PTPRT: variants seen among roughly 807,000 people sequenced by gnomAD.
The protein encoded by PTPRT is protein tyrosine phosphatase receptor type T, also known as receptor-type tyrosine-protein phosphatase T.
In PTPRT, 56 loss-of-function variants were observed where a neutral mutation model predicts 176.8. That is an observed-to-expected ratio of 0.32 (90% CI 0.26 to 0.40). The LOEUF is 0.40. PTPRT is among the 10% of genes least tolerant of loss of function. The pLI, the probability that PTPRT is intolerant of heterozygous loss-of-function variation, is 1.00. For missense variants in PTPRT, 1,540 were observed against 1,908.2 expected (o/e 0.81, Z 3.60); for synonymous variants, 783 against 739.0 (o/e 1.06, Z -0.96).
chr20:43,025,873 C>A (rs1227958220), intron 1 of PTPRT, among the ~76,000 whole-genome samples: 1 of 152,082 alleles, frequency 6.6e-6, no homozygotes, highest in African/African-American at 2.4e-5. Context: ...ACCTCTCTGG[C>A]ACCCTTGCTT....
At chr20:42,084,903 T>A in intron 28 of PTPRT, 58 bp from the exon 29 acceptor site, 1 of 1,323,516 alleles carries the variant, frequency 7.6e-7, no homozygotes, top group East Asian at 2.7e-5. Flanking sequence ...TACATGCACC[T>A]TGCAGATACC....
intron 7 of PTPRT, among the ~76,000 whole-genome samples, chr20:42,633,945 A>ATAATT (rs1222434582): frequency 5.6e-5 from 2 of 35,660 alleles, no homozygotes; most frequent in Non-Finnish European, 1.0e-4. Context: ...AATATAATAT[A>ATAATT]ATATATAATT....
chr20:42,976,484 C>T (rs2146077231), intron 1 of PTPRT, among the ~76,000 whole-genome samples: 1 of 152,110 alleles, frequency 6.6e-6, no homozygotes, highest in South Asian at 2.1e-4. Context: ...CGGCTTAGTG[C>T]AACCTCCGCC....
chr20:43,164,647 TAG>T (rs2014806533), intron 1 of PTPRT, among the ~76,000 whole-genome samples: 1 of 152,178 alleles, frequency 6.6e-6, no homozygotes, highest in Admixed American at 6.5e-5. Context: ...GGCTAAATAG[TAG>T]AGACTTTAGC....
At chr20:42,234,345 A>G (rs890778788) in intron 15 of PTPRT, among the ~76,000 whole-genome samples, 3 of 152,228 alleles carry the variant, frequency 2.0e-5, no homozygotes, top group Non-Finnish European at 4.4e-5. Flanking sequence ...AAATTTGCCC[A>G]AGGCTCTATA....
chr20:42,840,069 A>G (rs988512256), intron 2 of PTPRT, among the ~76,000 whole-genome samples: 1 of 152,194 alleles, frequency 6.6e-6, no homozygotes, highest in African/African-American at 2.4e-5. Context: ...TGGGGGCCAG[A>G]AACCTGAAAG....
rs11905834 is a variant in PTPRT at position 42,153,984 on chromosome 20, C to G, written c.2682+7368G>C. Among the ~76,000 whole-genome samples, 1,323 of 152,330 alleles carry G rather than the reference C, an allele frequency of 8.7e-3. 23 individuals are homozygous for G. Among genetic ancestry groups the G allele is most frequent in the African/African-American group, 0.029 (1,219 of 41,582 alleles). ...AGCGGTCACTGATGGCTTTTGGCCA[C>G]TCCCTATAATGGCCTATTGTCTTTT... is the stretch of plus-strand genomic sequence containing the variant. On this transcript the variant is annotated intron_variant, in intron 17 of 30. Transcript: ENST00000373187.
chr20:43,150,317 T>A (rs947203), intron 1 of PTPRT, among the ~76,000 whole-genome samples: 130,973 of 152,182 alleles, frequency 0.86, 57,510 homozygotes, highest in South Asian at 0.96. Context: ...AACAGACAAC[T>A]CAGAACTGAC....
chr20:42,771,285 T>G, intron 5 of PTPRT, 150 bp downstream of exon 5: 2 of 710,320 alleles, frequency 2.8e-6, no homozygotes, highest in South Asian at 3.5e-5. Flanking sequence ...CCCCAGTTTG[T>G]AAGCAAGGGT....
intron 7 of PTPRT, among the ~76,000 whole-genome samples, chr20:42,488,950 C>CAA (rs34356678): frequency 8.4e-6 from 1 of 118,782 alleles, no homozygotes; most frequent in South Asian, 2.7e-4. Context: ...AACTCTGTCT[C>CAA]AAAAAAAAAA....
chr20:42,044,775 T>C, the PTPRT span, among the ~76,000 whole-genome samples: 4 of 152,216 alleles, frequency 2.6e-5, no homozygotes, highest in Non-Finnish European at 5.9e-5. Context: ...ACTTGGTGAC[T>C]TAAAGCAACA....
At chr20:42,660,011 C>T (rs963166635) in intron 7 of PTPRT, among the ~76,000 whole-genome samples, 2 of 152,108 alleles carry the variant, frequency 1.3e-5, no homozygotes, top group African/African-American at 4.8e-5. Context: ...TACTTTACTC[C>T]TCAGAGCCTC....
intron 7 of PTPRT, among the ~76,000 whole-genome samples, chr20:42,593,496 T>C (rs1283631448): frequency 6.6e-6 from 1 of 152,174 alleles, no homozygotes; most frequent in Non-Finnish European, 1.5e-5. Flanking sequence ...GTAGCTTACT[T>C]ATTGCCATTT....
intron 7 of PTPRT, among the ~76,000 whole-genome samples, chr20:42,536,606 G>C (rs1398303648): frequency 2.0e-5 from 3 of 152,022 alleles, no homozygotes; most frequent in Non-Finnish European, 4.4e-5. Flanking sequence ...CTAAAATGAA[G>C]ACAGTAACAG....
chr20:42,055,440 G>A, the PTPRT span, among the ~76,000 whole-genome samples: 1 of 152,220 alleles, frequency 6.6e-6, no homozygotes, highest in African/African-American at 2.4e-5. Context: ...TCTAGGGGAG[G>A]AGGCAAGAAT....
At chr20:43,057,461 G>C (rs78981456) in intron 1 of PTPRT, among the ~76,000 whole-genome samples, 14,219 of 151,728 alleles carry the variant, frequency 0.094, 795 homozygotes, top group Middle Eastern at 0.15. Flanking sequence ...GGGTTGAAAG[G>C]AAAGGAAAAA....
At chr20:42,902,746 T>C (rs1469963080) in intron 1 of PTPRT, among the ~76,000 whole-genome samples, 1 of 152,204 alleles carries the variant, frequency 6.6e-6, no homozygotes, top group Non-Finnish European at 1.5e-5. Flanking sequence ...GCACAGCTTA[T>C]AAAGGACAGA....
intron 19 of PTPRT, among the ~76,000 whole-genome samples, chr20:42,128,497 A>G (rs1452481165): frequency 6.6e-6 from 1 of 152,176 alleles, no homozygotes; most frequent in African/African-American, 2.4e-5. Flanking sequence ...CAACAGACAT[A>G]TACACAAATG....
chr20:42,401,320 T>C (rs1474117931), intron 9 of PTPRT, among the ~76,000 whole-genome samples: 2 of 152,090 alleles, frequency 1.3e-5, no homozygotes, highest in Admixed American at 6.6e-5. Flanking sequence ...CAAGGAAAGT[T>C]CTGCCAACTC....
Sources: gnomAD v4.1 joint callset for allele counts (sites outside exome capture counted in the v4.1 genomes callset) on GRCh38, gnomAD v4.1.1 for gene constraint, MANE v1.5 for transcripts, NCBI Gene and HGNC (gene_info 2026-07-23, HGNC 2026-07-21) for gene names.